The following MCTP2 variants were observed in gnomAD, a reference collection of about 807,000 sequenced individuals.
The protein encoded by MCTP2 is multiple C2 and transmembrane domain-containing protein 2.
A neutral mutation model predicts 111.6 loss-of-function variants in MCTP2; 132 were observed. The ratio of observed to expected loss-of-function variants is 1.18; its 90% CI spans 1.03 to 1.37. The LOEUF (loss-of-function observed/expected upper bound fraction) is 1.37, where lower values mean the gene tolerates loss of function less well. Ranked by LOEUF, MCTP2 falls within the 40% of genes most tolerant of loss-of-function variation. The pLI, the probability that MCTP2 is intolerant of heterozygous loss-of-function variation, is 0.00. For missense variants in MCTP2, 1,183 were observed against 1,067.9 expected (o/e 1.11, Z -1.50); for synonymous variants, 395 against 387.7 (o/e 1.02, Z -0.22).
At chr15:94,376,904 G>A (rs1203402277) in intron 12 of MCTP2, among the ~76,000 whole-genome samples, 1 of 152,132 alleles carries the variant, frequency 6.6e-6, no homozygotes, top group East Asian at 1.9e-4. Flanking sequence ...GTATAAAATA[G>A]CTTGGCGTGT....
chr15:94,435,380 A>C lies in MCTP2; in HGVS notation c.2086-4796A>C, dbSNP rs548627651. 7.2e-5 allele frequency among the ~76,000 whole-genome samples: 11 copies of C among 152,256 alleles called. No homozygotes were observed. In the East Asian group the frequency reaches 2.1e-3, roughly 29 times the overall value. On this transcript the variant is annotated intron_variant, in intron 17 of 22. Coordinates refer to ENST00000357742, the MANE Select transcript of MCTP2 (RefSeq NM_001385001.1). ...TGAGGATATCTTGCTCATGTTTTAT[A>C]AATTTTATTCTAAAATACTGTGTTG...
chr15:94,385,874 G>A (rs1371616571), intron 14 of MCTP2, among the ~76,000 whole-genome samples: 1 of 152,154 alleles, frequency 6.6e-6, no homozygotes, highest in African/African-American at 2.4e-5. Context: ...AAACACACAT[G>A]TATTTCTTTA....
intron 20 of MCTP2, among the ~76,000 whole-genome samples, chr15:94,460,816 A>G (rs1267232322): frequency 6.6e-6 from 1 of 152,150 alleles, no homozygotes; most frequent in East Asian, 1.9e-4. Context: ...CTAAGGCTCA[A>G]CTCCTATTGA....
chr15:94,438,303 TTTTTA>T (rs1292772910), intron 17 of MCTP2, among the ~76,000 whole-genome samples: 5 of 152,038 alleles, frequency 3.3e-5, no homozygotes. Context: ...GATAGGAACA[TTTTTA>T]TTTTGTTATT....
chr15:94,244,242 G>A lies in MCTP2; in HGVS notation c.-66+12578G>A, dbSNP rs1328639561. ...TATGTGTATATATTTATATACACGTGTATACACATATGTGTATATATTTAT... is the reference window on the plus strand; with the variant it reads ...TATGTGTATATATTTATATACACGTATATACACATATGTGTATATATTTAT... On this transcript the variant is annotated intron_variant, in intron 1 of 22. Transcript: ENST00000357742. 4.1e-3 allele frequency among the ~76,000 whole-genome samples: 414 copies of A among 102,090 alleles called. 5 individuals are homozygous for A. Among genetic ancestry groups the A allele is most frequent in the African/African-American group, 0.016 (401 of 24,358 alleles). The allele number at this position is 102,090 out of a possible 152,430, so 67.0% of individuals were successfully genotyped here.
At chr15:94,381,220 C>A (rs756994078) in intron 12 of MCTP2, among the ~76,000 whole-genome samples, 2 of 152,226 alleles carry the variant, frequency 1.3e-5, no homozygotes, top group African/African-American at 2.4e-5. Context: ...AAATTTTACT[C>A]AAAGTCCCCA....
At chr15:94,424,666 T>G (rs910815736) in intron 17 of MCTP2, among the ~76,000 whole-genome samples, 1 of 152,216 alleles carries the variant, frequency 6.6e-6, no homozygotes, top group African/African-American at 2.4e-5. Flanking sequence ...CCCAAGTGAT[T>G]ATTGAACCAT....
intron 3 of MCTP2, 101 bp from the exon 4 acceptor site, chr15:94,315,428 A>C: frequency 1.3e-6 from 1 of 766,004 alleles, no homozygotes; most frequent in Admixed American, 2.3e-5. Flanking sequence ...CGATCATCAT[A>C]GTGGCCTTTC....
chr15:94,426,194 A>C (rs1238289830), intron 17 of MCTP2, among the ~76,000 whole-genome samples: 1 of 151,724 alleles, frequency 6.6e-6, no homozygotes, highest in East Asian at 1.9e-4. Flanking sequence ...ATGTTTCTCT[A>C]GTCATCCTAT....
At chr15:94,444,203 T>C (rs1320115611) in intron 19 of MCTP2, among the ~76,000 whole-genome samples, 1 of 152,052 alleles carries the variant, frequency 6.6e-6, no homozygotes, top group Non-Finnish European at 1.5e-5. Context: ...AGGACACAAT[T>C]CAGGAACAGC....
intron 1 of MCTP2, among the ~76,000 whole-genome samples, chr15:94,261,150 G>T (rs961848423): frequency 6.6e-6 from 1 of 152,028 alleles, no homozygotes; most frequent in African/African-American, 2.4e-5. Flanking sequence ...CACCTTTCTG[G>T]ACCAAACCAA....
At chr15:94,344,808 G>C (rs779041306) in intron 7 of MCTP2, among the ~76,000 whole-genome samples, 3 of 152,116 alleles carry the variant, frequency 2.0e-5, no homozygotes, top group Non-Finnish European at 4.4e-5. Flanking sequence ...AAACCTTTCT[G>C]CTTTTTTAGA....
At chr15:94,287,380 G>C (rs1461512038) in intron 1 of MCTP2, among the ~76,000 whole-genome samples, 1 of 152,096 alleles carries the variant, frequency 6.6e-6, no homozygotes, top group Non-Finnish European at 1.5e-5. Flanking sequence ...GAAATACGCT[G>C]TTTATTGGAG....
rs754353392 is a variant in MCTP2, at chr15:94,384,092, C to T, written c.1653C>T (p.Asn551=). The change falls in exon 13 of 23, where the codon AAC becomes AAT. Residue 551 remains asparagine, a synonymous_variant. Transcript: ENST00000357742. ...DRLQTHTVYK[N]LNPEWNKVFT... ...TTCAGACGCATACCGTCTACAAAAA[C>T]CTCAACCCTGAATGGAACAAAGTTT... 6.2e-7 allele frequency: 1 copy of T among 1,613,858 alleles called. No individual in the cohort carries two copies. The highest frequency in any genetic ancestry group is 1.1e-5 in the South Asian group (1 of 91,066).
chr15:94,451,224 A>AT (rs2084435281), intron 19 of MCTP2, among the ~76,000 whole-genome samples: 1 of 152,150 alleles, frequency 6.6e-6, no homozygotes, highest in African/African-American at 2.4e-5. Context: ...TATGATATAT[A>AT]TTTTTAGGTT....
At position 94,303,666 on chromosome 15, in the gene MCTP2, C is replaced by T. The variant is rs535525801; in HGVS notation, c.465+4936C>T. Among the ~76,000 whole-genome samples, 5 of 152,262 alleles carry T rather than the reference C, an allele frequency of 3.3e-5. No homozygotes were observed. In the South Asian group the frequency reaches 1.0e-3, roughly 32 times the overall value. On this transcript the variant is annotated intron_variant, in intron 2 of 22. Transcript: ENST00000357742. The stretch of plus-strand genomic sequence containing the variant: ...CGTGGTTCAGTCATCTCCCATGGGT[C>T]CCTCCTACAACATGTGGGAATTATG...
In MCTP2 at chr15:94,243,385, G is replaced by T. The variant is rs1338347303; in HGVS notation, c.-66+11721G>T. Among the ~76,000 whole-genome samples, 20 of 143,962 alleles carry T rather than the reference G, an allele frequency of 1.4e-4. 1 individual carries two copies. Among genetic ancestry groups the T allele is most frequent in the Non-Finnish European group, 2.9e-4 (19 of 65,774 alleles). 94.4% of individuals were successfully genotyped at this position (143,962 alleles called of 152,430 possible). On this transcript the variant is annotated intron_variant, in intron 1 of 22. Transcript: ENST00000357742. ...CGTATATGCGTATGTACATACATAC[G>T]TATGCGTATATGCGTATGTACATAC...
chr15:94,267,391 G>A (rs1170649506), intron 1 of MCTP2, among the ~76,000 whole-genome samples: 2 of 152,146 alleles, frequency 1.3e-5, no homozygotes, highest in Non-Finnish European at 2.9e-5. Context: ...TGTATTAGAA[G>A]TACATTTCTT....
chr15:94,435,355 T>G (rs1249534680), intron 17 of MCTP2, among the ~76,000 whole-genome samples: 1 of 152,202 alleles, frequency 6.6e-6, no homozygotes, highest in East Asian at 1.9e-4. Context: ...TAGTTTCCAG[T>G]GAGGATATCT....
Sources: gnomAD v4.1 joint callset for allele counts (sites outside exome capture counted in the v4.1 genomes callset) on GRCh38, gnomAD v4.1.1 for gene constraint, MANE v1.5 for transcripts, NCBI Gene and HGNC (gene_info 2026-07-23, HGNC 2026-07-21) for gene names.